ADAMTS3: variants seen among roughly 807,000 people sequenced by gnomAD.
ADAMTS3 encodes the protein A disintegrin and metalloproteinase with thrombospondin motifs 3.
ADAMTS3 carries 73 observed loss-of-function variants against 129.0 expected under a neutral mutation model. The observed-to-expected ratio is 0.57, with a 90% CI of 0.47 to 0.69. The LOEUF (loss-of-function observed/expected upper bound fraction) is 0.69. ADAMTS3 is among the 30% of genes least tolerant of loss of function. ADAMTS3 has a pLI of 0.00. For missense variants in ADAMTS3, 1,457 were observed against 1,514.5 expected (o/e 0.96, Z 0.63); for synonymous variants, 477 against 510.8 (o/e 0.93, Z 0.89).
intron 3 of ADAMTS3, among the ~76,000 whole-genome samples, chr4:72,479,816 A>G (rs1291353558): frequency 1.3e-5 from 2 of 152,344 alleles, no homozygotes; most frequent in East Asian, 3.9e-4. Context: ...GCTAATATCC[A>G]GAATCTACAA....
At position 72,334,032 on chromosome 4, in the gene ADAMTS3, T is replaced by A. The variant is rs1719922624; in HGVS notation, c.861+5462A>T. ...CCACGCCTGGCTAAATTTTTGTATTTTTAGTAGAGACGGGGTTTCACCGTG... is the reference window on the plus strand; with the variant it reads ...CCACGCCTGGCTAAATTTTTGTATTATTAGTAGAGACGGGGTTTCACCGTG... On this transcript the variant is annotated intron_variant, in intron 5 of 21. Coordinates refer to ENST00000286657, the MANE Select transcript of ADAMTS3 (RefSeq NM_014243.3). Among the ~76,000 whole-genome samples, 3 of 151,922 alleles carry A rather than the reference T, an allele frequency of 2.0e-5. No homozygotes were observed. In the South Asian group the frequency reaches 6.2e-4, roughly 32 times the overall value.
intron 2 of ADAMTS3, among the ~76,000 whole-genome samples, chr4:72,557,608 T>C (rs529584412): frequency 2.6e-5 from 4 of 151,980 alleles, no homozygotes; most frequent in African/African-American, 9.7e-5. Context: ...TGAATAGTTG[T>C]GTACTTAAAT....
At chr4:72,375,104 C>G (rs1274315165) in intron 4 of ADAMTS3, among the ~76,000 whole-genome samples, 1 of 152,260 alleles carries the variant, frequency 6.6e-6, no homozygotes, top group East Asian at 1.9e-4. Flanking sequence ...TATTTTATTA[C>G]CAATTCCTCC....
intron 6 of ADAMTS3, among the ~76,000 whole-genome samples, chr4:72,321,384 T>C (rs1013324593): frequency 6.6e-6 from 1 of 151,864 alleles, no homozygotes; most frequent in African/African-American, 2.4e-5. Flanking sequence ...GGTTTCACCA[T>C]GTTGGCCAGG....
intron 4 of ADAMTS3, among the ~76,000 whole-genome samples, chr4:72,345,418 C>CT (rs1455686002): frequency 6.6e-6 from 1 of 152,110 alleles, no homozygotes; most frequent in African/African-American, 2.4e-5. Flanking sequence ...TAATTGACAT[C>CT]TTTTTAAAAA....
At chr4:72,539,931 A>G (rs146611659) in intron 3 of ADAMTS3, among the ~76,000 whole-genome samples, 1 of 152,280 alleles carries the variant, frequency 6.6e-6, no homozygotes, top group Admixed American at 6.5e-5. Flanking sequence ...TCTCAGATAC[A>G]TCTGTATCAG....
intron 3 of ADAMTS3, among the ~76,000 whole-genome samples, chr4:72,473,896 T>C (rs12651548): frequency 0.25 from 38,072 of 152,140 alleles, 5,139 homozygotes; most frequent in East Asian, 0.45. Context: ...TTATCTTTTA[T>C]TGGAGGCCAT....
chr4:72,431,655 A>G (rs1722700806), intron 3 of ADAMTS3, among the ~76,000 whole-genome samples: 1 of 152,042 alleles, frequency 6.6e-6, no homozygotes, highest in Non-Finnish European at 1.5e-5. Flanking sequence ...CATTGTGCAC[A>G]TGCAAATATT....
chr4:72,319,340 TCTTTTCAGTTCTTGACCA>T lies in ADAMTS3; in HGVS notation c.1326_1343del (p.Ser442_Lys447del). On this transcript the variant is annotated inframe_deletion, in exon 9 of 22. Transcript: ENST00000286657. ...TGCAGCAGGGGACATACTGGATATA[TCTTTTCAGTTCTTGACCA>T]CTGCATCGGGACCAGTGGTAACGAT... The T allele has an allele frequency of 6.2e-7, 1 of 1,613,894 alleles. No individual in the cohort carries two copies. The highest frequency in any genetic ancestry group is 8.5e-7 in the Non-Finnish European group (1 of 1,179,902).
At chr4:72,496,823 A>C (rs917436976) in intron 3 of ADAMTS3, among the ~76,000 whole-genome samples, 2 of 152,000 alleles carry the variant, frequency 1.3e-5, no homozygotes, top group African/African-American at 2.4e-5. Flanking sequence ...TGAAGATGAT[A>C]ATTATAATTC....
intron 4 of ADAMTS3, among the ~76,000 whole-genome samples, chr4:72,396,371 A>G (rs928008347): frequency 6.6e-6 from 1 of 152,240 alleles, no homozygotes; most frequent in African/African-American, 2.4e-5. Flanking sequence ...ACATGAAGTA[A>G]CATAATAACA....
chr4:72,339,745 C>A, intron 4 of ADAMTS3, 52 bp from the exon 5 acceptor site: 1 of 1,434,366 alleles, frequency 7.0e-7, no homozygotes, highest in Non-Finnish European at 9.8e-7. Flanking sequence ...ACAGGCCTTC[C>A]AATCACTTCT....
At chr4:72,550,739 G>GGA (rs1553922782) in intron 2 of ADAMTS3, among the ~76,000 whole-genome samples, 1 of 151,826 alleles carries the variant, frequency 6.6e-6, no homozygotes, top group African/African-American at 2.4e-5. Context: ...GGTTTAGAGA[G>GGA]AAAAACAAAC....
intron 13 of ADAMTS3, 72 bp downstream of exon 13, chr4:72,312,219 G>A: frequency 6.5e-7 from 1 of 1,541,508 alleles, no homozygotes; most frequent in Non-Finnish European, 8.9e-7. Flanking sequence ...GAGTCCATGG[G>A]GTTCGTGCTG....
chr4:72,386,520 C>T (rs1721453725), intron 4 of ADAMTS3, among the ~76,000 whole-genome samples: 1 of 152,000 alleles, frequency 6.6e-6, no homozygotes, highest in South Asian at 2.1e-4. Context: ...GGGAGAATCA[C>T]ATCTAAATCA....
At chr4:72,309,671 G>T (rs1578569990) in intron 14 of ADAMTS3, 151 bp from the exon 15 acceptor site, 1 of 704,890 alleles carries the variant, frequency 1.4e-6, no homozygotes, top group Non-Finnish European at 2.2e-6. Context: ...TAATACCTCA[G>T]TTTTTTAAAA....
chr4:72,474,975 C>A (rs1269948629), intron 3 of ADAMTS3, among the ~76,000 whole-genome samples: 1 of 149,460 alleles, frequency 6.7e-6, no homozygotes, highest in African/African-American at 2.5e-5. Context: ...TGCAGTGAGC[C>A]GAGATCCCGC....
chr4:72,426,135 T>C (rs974638429), intron 3 of ADAMTS3, among the ~76,000 whole-genome samples: 1 of 152,218 alleles, frequency 6.6e-6, no homozygotes, highest in African/African-American at 2.4e-5. Flanking sequence ...ATGTCTTCTT[T>C]TGAGAAGTGT....
intron 4 of ADAMTS3, among the ~76,000 whole-genome samples, chr4:72,363,975 A>G (rs890033466): frequency 6.6e-6 from 1 of 152,170 alleles, no homozygotes; most frequent in Non-Finnish European, 1.5e-5. Flanking sequence ...AAATGTCTCA[A>G]AAGATCTCCA....
Sources: allele counts gnomAD v4.1 joint callset (sites outside exome capture counted in the v4.1 genomes callset), GRCh38; gene constraint gnomAD v4.1.1; transcripts MANE v1.5; gene names NCBI Gene and HGNC (gene_info 2026-07-23, HGNC 2026-07-21).